The following PPP1R16B variants were observed in gnomAD, a reference collection of about 807,000 sequenced individuals.
The protein encoded by PPP1R16B is protein phosphatase 1 regulatory subunit 16B.
Under a neutral mutation model 61.7 loss-of-function variants are expected in PPP1R16B, and 14 were observed. The ratio of observed to expected loss-of-function variants is 0.23; its 90% confidence interval spans 0.15 to 0.35. The LOEUF (loss-of-function observed/expected upper bound fraction) is 0.35. Among genes scored for constraint, PPP1R16B ranks in the 10% least tolerant of loss-of-function variants. The probability of loss-of-function intolerance (pLI) is 1.00; values close to 1 mark genes in which losing one functional copy is unlikely to be tolerated. For missense variants in PPP1R16B, 547 were observed against 752.5 expected (o/e 0.73, Z 3.19); for synonymous variants, 266 against 305.3 (o/e 0.87, Z 1.34).
intron 7 of PPP1R16B, 75 bp downstream of exon 7, chr20:38,906,169 C>T (rs1601309405): frequency 6.7e-7 from 1 of 1,498,288 alleles, no homozygotes; most frequent in Non-Finnish European, 9.0e-7. Context: ...TTTGGGCTGG[C>T]AGTTGTTTTC....
intron 2 of PPP1R16B, among the ~76,000 whole-genome samples, chr20:38,846,560 C>T (rs542171867): frequency 1.3e-5 from 2 of 152,310 alleles, no homozygotes; most frequent in Non-Finnish European, 2.9e-5. Context: ...TTTATATACT[C>T]TTTGGAAAAA....
chr20:38,917,033 A>T (rs2085547249), intron 10 of PPP1R16B, among the ~76,000 whole-genome samples: 1 of 152,168 alleles, frequency 6.6e-6, no homozygotes, highest in Non-Finnish European at 1.5e-5. Flanking sequence ...GCGGTGGCTC[A>T]TGCCTGCAAT....
chr20:38,880,251 G>A (rs1391779820), intron 2 of PPP1R16B, among the ~76,000 whole-genome samples: 2 of 151,990 alleles, frequency 1.3e-5, no homozygotes, highest in African/African-American at 2.4e-5. Flanking sequence ...AGGCACAGCA[G>A]TCATATGAGA....
At chr20:38,888,928 C>CACACAT (rs2085269291) in intron 2 of PPP1R16B, among the ~76,000 whole-genome samples, 1 of 147,578 alleles carries the variant, frequency 6.8e-6, no homozygotes, top group Non-Finnish European at 1.5e-5. Flanking sequence ...CACACACACA[C>CACACAT]CCCTAGACAA....
chr20:38,900,937 C>T (rs1005395816), intron 5 of PPP1R16B, among the ~76,000 whole-genome samples: 1 of 152,182 alleles, frequency 6.6e-6, no homozygotes, highest in Non-Finnish European at 1.5e-5. Context: ...CGCAGGTGGC[C>T]GCAGCTGGCC....
chr20:38,833,377 A>G (rs1340842524), intron 1 of PPP1R16B, among the ~76,000 whole-genome samples: 1 of 152,216 alleles, frequency 6.6e-6, no homozygotes. Flanking sequence ...CATTGATACA[A>G]TTGCATAAAA....
At position 38,889,623 on chromosome 20, in the gene PPP1R16B, C is replaced by T; in HGVS notation, c.279C>T (p.Ser93=). 1 of 1,599,616 alleles carries T rather than the reference C, an allele frequency of 6.3e-7. No individual in the cohort carries two copies. The highest frequency in any genetic ancestry group is 8.6e-7 in the Non-Finnish European group (1 of 1,166,718). ...EVRYFLKNKV[S]PDLCNEDGLT... is the part of the protein sequence containing the mutation. ...GCTACTTCCTGAAGAATAAGGTCAG[C>T]CCTGATTTGTGCAATGAGGACGGAC... is the stretch of plus-strand genomic sequence containing the variant. The change falls in exon 3 of 11, where the codon AGC becomes AGT. Residue 93 remains serine, a synonymous_variant. Transcript: ENST00000299824.
chr20:38,813,788 T>C (rs919093999), intron 1 of PPP1R16B, among the ~76,000 whole-genome samples: 14 of 147,748 alleles, frequency 9.5e-5, no homozygotes, highest in Admixed American at 2.0e-4. Context: ...TTATTATTAT[T>C]ATTATTATTA....
In PPP1R16B at chr20:38,919,228, C is replaced by A. The variant is rs2085571184; in HGVS notation, c.*562C>A. 1 of 152,728 alleles carries A rather than the reference C, an allele frequency of 6.5e-6. No individual in the cohort carries two copies. The highest frequency in any genetic ancestry group is 1.5e-5 in the Non-Finnish European group (1 of 68,162). 9.5% of individuals were successfully genotyped at this position (152,728 alleles called of 1,614,324 possible). A position where few individuals can be genotyped will look rare whatever the true frequency, so the allele number is the denominator to read the frequency against. On this transcript the variant is annotated 3_prime_UTR_variant, in exon 11 of 11. Coordinates refer to ENST00000299824, the MANE Select transcript of PPP1R16B (RefSeq NM_015568.4). ...GTCCTGCTCAGAGTTATCCCAAAGT[C>A]TGAGCCACCAGCCACACCTGACAGG...
intron 1 of PPP1R16B, among the ~76,000 whole-genome samples, chr20:38,809,701 C>A (rs138417978): frequency 6.6e-6 from 1 of 152,048 alleles, no homozygotes; most frequent in African/African-American, 2.4e-5. Context: ...TAGCTTGGAC[C>A]AGGTGCGGTG....
Position 38,835,989 on chromosome 20 carries a change from C to A in PPP1R16B, c.64C>A (p.Arg22=). 1.9e-6 allele frequency: 3 copies of A among 1,559,598 alleles called. No homozygotes were observed. The highest frequency in any genetic ancestry group is 2.6e-6 in the Non-Finnish European group (3 of 1,153,392). ...QLLEKVPTLE[R]LRAAQKRRAQ... ...GCTGGAGAAGGTGCCCACGCTGGAG[C>A]GGCTGCGGGCTGCCCAGAAGCGCCG... Residue 22 remains arginine, a synonymous_variant, in exon 2 of 11, where the codon CGG becomes AGG. Coordinates refer to ENST00000299824, the MANE Select transcript of PPP1R16B (RefSeq NM_015568.4).
At chr20:38,852,522 A>G (rs79551748) in intron 2 of PPP1R16B, among the ~76,000 whole-genome samples, 3,891 of 152,224 alleles carry the variant, frequency 0.026, 86 homozygotes, top group Admixed American at 0.07. Flanking sequence ...TATTTAACCA[A>G]TTGGAACTCC....
chr20:38,908,214 C>T, intron 10 of PPP1R16B, 21 bp downstream of exon 10: 1 of 1,613,354 alleles, frequency 6.2e-7, no homozygotes. Context: ...TCACGCCCTG[C>T]CCTAGTGTCA....
intron 2 of PPP1R16B, among the ~76,000 whole-genome samples, chr20:38,845,278 A>G (rs574872851): frequency 6.6e-6 from 1 of 152,176 alleles, no homozygotes; most frequent in South Asian, 2.1e-4. Flanking sequence ...GAGTTTGTGT[A>G]CATTTAAAAA....
Position 38,918,586 on chromosome 20 carries a change from G to A in PPP1R16B, c.1624G>A (p.Gly542Arg), listed in dbSNP as rs535745355. The change falls in exon 11 of 11, where the codon GGA (glycine) becomes AGA (arginine). Residue 542 changes from glycine to arginine, a missense_variant. By Grantham distance (125) the Gly-to-Arg change is moderately radical. Transcript: ENST00000299824. The surrounding 1 kb of genome is among the most constrained non-coding windows in gnomAD (Gnocchi z 5.3). ...GTSVYYTVTS[G>R]DPPLLKFKAP... ...CTCGGTATATTACACGGTCACCAGC[G>A]GAGATCCCCCACTCTTAAAGTTCAA... The A allele has an allele frequency of 6.5e-6, 10 of 1,534,284 alleles. No individual in the cohort carries two copies. Among genetic ancestry groups the A allele is most frequent in the African/African-American group, 1.4e-5 (1 of 72,610 alleles).
intron 2 of PPP1R16B, among the ~76,000 whole-genome samples, chr20:38,870,385 TAAATGCTGTG>T (rs1197342729): frequency 6.6e-6 from 1 of 152,092 alleles, no homozygotes; most frequent in African/African-American, 2.4e-5. Flanking sequence ...AAAGTCTGAC[TAAATGCTGTG>T]AAGGAGTAAG....
chr20:38,873,743 G>GT lies in PPP1R16B; in HGVS notation c.251-15839dup, dbSNP rs36003556. Reference sequence around the variant, plus strand: ...ACAGAAGCTGAAACATCTTTTTTTTGTTTTTTTTTTTTTGAGATGGAGTCT... The same window carrying GT: ...ACAGAAGCTGAAACATCTTTTTTTTGTTTTTTTTTTTTTTGAGATGGAGTCT... On this transcript the variant is annotated intron_variant, in intron 2 of 10. Coordinates refer to ENST00000299824, the MANE Select transcript of PPP1R16B (RefSeq NM_015568.4). 1.6e-3 allele frequency among the ~76,000 whole-genome samples: 229 copies of GT among 140,736 alleles called. 2 individuals are homozygous for GT. The highest frequency in any genetic ancestry group is 2.4e-3 in the African/African-American group (90 of 38,090). 92.3% of individuals were successfully genotyped at this position (140,736 alleles called of 152,430 possible).
In PPP1R16B at chr20:38,918,355, G is replaced by A. The variant is rs142971409; in HGVS notation, c.1393G>A (p.Ala465Thr). Reference sequence around the variant, plus strand: ...CTATGGCAACCCTGGCGTGGCCGACGCCACCCCGCCCTGGAGCAGCTACAA... The same window carrying A: ...CTATGGCAACCCTGGCGTGGCCGACACCACCCCGCCCTGGAGCAGCTACAA... Reference protein sequence around the residue: ...MAYGNPGVADATPPWSSYKEQ... With the variant: ...MAYGNPGVADTTPPWSSYKEQ... Residue 465 changes from alanine to threonine, a missense_variant, in exon 11 of 11, where the codon GCC (alanine) becomes ACC (threonine). Transcript: ENST00000299824. The surrounding 1 kb of genome is among the most constrained non-coding windows in gnomAD (Gnocchi z 5.3). 2.6e-5 allele frequency: 42 copies of A among 1,613,912 alleles called. No individual in the cohort carries two copies. In the African/African-American group the frequency reaches 4.1e-4, roughly 16 times the overall value.
chr20:38,847,175 C>T (rs1346552277), intron 2 of PPP1R16B, among the ~76,000 whole-genome samples: 1 of 152,180 alleles, frequency 6.6e-6, no homozygotes, highest in Non-Finnish European at 1.5e-5. Flanking sequence ...CTCCCCACCT[C>T]ATCACTACCT....
Sources: gnomAD v4.1 joint callset for allele counts (sites outside exome capture counted in the v4.1 genomes callset) on GRCh38, gnomAD v4.1.1 for gene constraint, Gnocchi (gnomAD v3.1) non-coding constraint, MANE v1.5 for transcripts, NCBI Gene and HGNC (gene_info 2026-07-23, HGNC 2026-07-21) for gene names.